CCDC146: variants seen among roughly 807,000 people sequenced by gnomAD.
CCDC146 encodes coiled-coil domain containing 146, also known as coiled-coil domain-containing protein 146.
CCDC146 carries 92 observed loss-of-function variants against 119.3 expected under a neutral mutation model. The observed-to-expected ratio is 0.77, with a 90% CI of 0.65 to 0.92. The LOEUF (loss-of-function observed/expected upper bound fraction) is 0.92, where lower values mean the gene tolerates loss of function less well. Ranked by LOEUF, CCDC146 falls within the 40% of genes least tolerant of loss-of-function variation. The pLI is 0.00. For missense variants in CCDC146, 1,000 were observed against 1,103.0 expected, an observed-to-expected ratio of 0.91 and a Z score of 1.32; for synonymous variants, 372 against 371.8, an observed-to-expected ratio of 1.00 and a Z score of -0.01.
In CCDC146 at chr7:77,260,016, GA is replaced by G. The variant is rs1793262490; in HGVS notation, c.770del (p.Lys257ArgfsTer13). The G allele has an allele frequency of 2.0e-6, 3 of 1,498,110 alleles. No homozygotes were observed. The highest frequency in any genetic ancestry group is 2.7e-6 in the Non-Finnish European group (3 of 1,097,046). The allele number at this position is 1,498,110 out of a possible 1,614,324, so 92.8% of individuals were successfully genotyped here. A position where few individuals can be genotyped will look rare whatever the true frequency, so the allele number is the denominator to read the frequency against. On this transcript the variant is annotated frameshift_variant, in exon 8 of 19. Coordinates refer to ENST00000285871, the MANE Select transcript of CCDC146 (RefSeq NM_020879.3). LOFTEE classifies it high-confidence loss of function. ...TGTGTGTATCCCCTACAGAGAAATG[GA>G]AAAGAAAAAAATTGTCTTGGAACAA... ...EKITRKKVEM[E>X]KKKIVLEQEV... is the part of the protein sequence containing the mutation.
chr7:77,208,897 A>G (rs1352612922), intron 2 of CCDC146, among the ~76,000 whole-genome samples: 1 of 152,126 alleles, frequency 6.6e-6, no homozygotes, highest in East Asian at 1.9e-4. Flanking sequence ...ATGGGGTCTC[A>G]TTATGTTGCC....
chr7:77,217,712 G>A (rs1792327042), intron 2 of CCDC146, among the ~76,000 whole-genome samples: 1 of 151,978 alleles, frequency 6.6e-6, no homozygotes, highest in East Asian at 1.9e-4. Flanking sequence ...AACCTAGATG[G>A]TATAGCCTAC....
chr7:77,291,772 T>C (rs1793947943), intron 17 of CCDC146, among the ~76,000 whole-genome samples: 2 of 152,164 alleles, frequency 1.3e-5, no homozygotes, highest in South Asian at 4.1e-4. Flanking sequence ...GACTAAATAT[T>C]CCCCAGCTCA....
Position 77,286,782 on chromosome 7 carries a change from GT to G in CCDC146, c.2149-9del. ...CTAGAGCGTTCATTTTAAAGTTAAT[GT>G]TTTTTTCTTAATAGTTTTCACAGTG... On this transcript the variant is annotated splice_polypyrimidine_tract_variant and intron_variant, in intron 15 of 18. Coordinates refer to ENST00000285871, the MANE Select transcript of CCDC146 (RefSeq NM_020879.3). 6.2e-7 allele frequency: 1 copy of G among 1,611,074 alleles called. No individual in the cohort carries two copies.
At chr7:77,280,306 C>A in intron 13 of CCDC146, 123 bp from the exon 14 acceptor site, 1 of 674,660 alleles carries the variant, frequency 1.5e-6, no homozygotes, top group Non-Finnish European at 2.5e-6. Context: ...TTACTAGTAT[C>A]ATTTCAAGGG....
chr7:77,258,408 C>T (rs1793221878), intron 6 of CCDC146, among the ~76,000 whole-genome samples: 1 of 152,176 alleles, frequency 6.6e-6, no homozygotes. Context: ...TTCTACTTTA[C>T]AGTGGTGTGA....
rs1791864303 is a variant in CCDC146, at chr7:77,196,139, A to G, written c.156+28315A>G. 4 of 628,802 alleles carry G rather than the reference A, an allele frequency of 6.4e-6. No individual in the cohort carries two copies. In the South Asian group the frequency reaches 8.9e-5, roughly 14 times the overall value. 39.0% of individuals were successfully genotyped at this position (628,802 alleles called of 1,614,324 possible). On this transcript the variant is annotated intron_variant, in intron 2 of 18. Transcript: ENST00000285871. The surrounding 1 kb of genome is among the most constrained non-coding windows in gnomAD (Gnocchi z 4.2). ...TGCATTGTTTTTCAGCTTTATTTCAAATGCTGTGTAGCATAAGAACCTAGC... is the reference window on the plus strand; with the variant it reads ...TGCATTGTTTTTCAGCTTTATTTCAGATGCTGTGTAGCATAAGAACCTAGC...
intron 1 of CCDC146, among the ~76,000 whole-genome samples, chr7:77,135,978 G>A (rs547317682): frequency 6.6e-6 from 1 of 152,332 alleles, no homozygotes; most frequent in African/African-American, 2.4e-5. Context: ...CTTAACACAT[G>A]TGCACCTAAC....
chr7:77,135,815 TG>T (rs1228326291), intron 1 of CCDC146, among the ~76,000 whole-genome samples: 1 of 152,090 alleles, frequency 6.6e-6, no homozygotes, highest in Non-Finnish European at 1.5e-5. Context: ...AGTAAATGGG[TG>T]GAGAAAAATA....
At chr7:77,175,122 G>T (rs1345260265) in intron 2 of CCDC146, among the ~76,000 whole-genome samples, 1 of 151,462 alleles carries the variant, frequency 6.6e-6, no homozygotes. Context: ...CACTTGTCAA[G>T]GGCCAGTGTG....
At chr7:77,144,856 A>T (rs1442104590) in intron 1 of CCDC146, among the ~76,000 whole-genome samples, 2 of 151,722 alleles carry the variant, frequency 1.3e-5, no homozygotes, top group Non-Finnish European at 2.9e-5. Context: ...GATGTTCATC[A>T]GGGATATTGG....
rs200498515 is a variant in CCDC146 at position 77,196,996 on chromosome 7, A to G, written c.156+29172A>G. 1.0e-3 allele frequency: 1,511 copies of G among 1,507,488 alleles called. 5 individuals carry two copies. Among genetic ancestry groups the G allele is most frequent in the Non-Finnish European group, 1.3e-3 (1,390 of 1,097,524 alleles). The allele number at this position is 1,507,488 out of a possible 1,614,324, so 93.4% of individuals were successfully genotyped here. A position where few individuals can be genotyped will look rare whatever the true frequency, so the allele number is the denominator to read the frequency against. On this transcript the variant is annotated intron_variant, in intron 2 of 18. Transcript: ENST00000285871. This position sits in a 1 kb window ranked among gnomAD's most constrained non-coding sequence, Gnocchi z 4.2. ...ATATTAGATGTTGAACTGAAGGGGA[A>G]ATAAAAGGAAGGCATTGGATCTTGT...
At chr7:77,142,330 A>ATTTT in intron 1 of CCDC146, among the ~76,000 whole-genome samples, 1 of 146,870 alleles carries the variant, frequency 6.8e-6, no homozygotes, top group East Asian at 2.0e-4. Context: ...TTATTTATTT[A>ATTTT]TTTATTTATT....
At chr7:77,134,074 T>C (rs1790826511) in intron 1 of CCDC146, among the ~76,000 whole-genome samples, 1 of 152,098 alleles carries the variant, frequency 6.6e-6, no homozygotes, top group Admixed American at 6.5e-5. Flanking sequence ...AAGTTGGCGC[T>C]CTTTACTGGG....
chr7:77,165,863 T>C (rs1791331091), intron 1 of CCDC146, among the ~76,000 whole-genome samples: 1 of 152,146 alleles, frequency 6.6e-6, no homozygotes, highest in African/African-American at 2.4e-5. Context: ...TTATTAGAAT[T>C]CTTCAAAGAG....
At chr7:77,143,371 C>G (rs1032841650) in intron 1 of CCDC146, among the ~76,000 whole-genome samples, 37 of 151,834 alleles carry the variant, frequency 2.4e-4, no homozygotes, top group East Asian at 1.5e-3. Flanking sequence ...TAGGTTGCCT[C>G]TTCACTCTGA....
intron 2 of CCDC146, among the ~76,000 whole-genome samples, chr7:77,174,881 G>A (rs191892113): frequency 3.1e-4 from 47 of 152,308 alleles, no homozygotes; most frequent in African/African-American, 1.1e-3. Context: ...TATATACACA[G>A]GAGTGGGGTT....
intron 4 of CCDC146, among the ~76,000 whole-genome samples, chr7:77,244,535 A>G (rs1792910090): frequency 6.6e-6 from 1 of 152,210 alleles, no homozygotes; most frequent in Non-Finnish European, 1.5e-5. Context: ...GTTTAGATAC[A>G]CAAACACTTA....
At chr7:77,148,263 G>T (rs549362114) in intron 1 of CCDC146, among the ~76,000 whole-genome samples, 4 of 152,156 alleles carry the variant, frequency 2.6e-5, no homozygotes, top group South Asian at 2.1e-4. Flanking sequence ...TTGGAAAAGC[G>T]CAGTATTAGG....
Sources: gnomAD v4.1 joint callset for allele counts (sites outside exome capture counted in the v4.1 genomes callset) on GRCh38, gnomAD v4.1.1 for gene constraint, Gnocchi (gnomAD v3.1) non-coding constraint, MANE v1.5 for transcripts, NCBI Gene and HGNC (gene_info 2026-07-23, HGNC 2026-07-21) for gene names.